PDXK: variants seen among roughly 807,000 people sequenced by gnomAD.
PDXK encodes pyridoxal kinase, also known as epididymis secretory sperm binding protein Li 1a.
PDXK carries 15 observed loss-of-function variants against 43.2 expected under a neutral mutation model. The ratio of observed to expected loss-of-function variants is 0.35; its 90% CI spans 0.23 to 0.53. PDXK has a LOEUF of 0.53. Ranked by LOEUF, PDXK falls within the 20% of genes least tolerant of loss-of-function variation. PDXK has a pLI of 0.92. For synonymous variants in PDXK, 172 were observed against 165.4 expected, an observed-to-expected ratio of 1.04 and a Z score of -0.31; for missense variants, 343 against 417.0, an observed-to-expected ratio of 0.82 and a Z score of 1.54.
rs1410144064 is a variant in PDXK at position 43,759,832 on chromosome 21, G to C, written c.*3769G>C. On this transcript the variant is annotated 3_prime_UTR_variant, in exon 11 of 11. Transcript: ENST00000291565. ...GGCTTCCGCTGAGACTCGCTGGAGA[G>C]GCGGCTCCCGTGTCCGTCCACCGAG... 1 of 152,238 alleles carries C rather than the reference G, an allele frequency of 6.6e-6. No individual in the cohort carries two copies. The highest frequency in any genetic ancestry group is 1.5e-5 in the Non-Finnish European group (1 of 68,054). The allele number at this position is 152,238 out of a possible 1,614,324, so 9.4% of individuals were successfully genotyped here.
Position 43,753,621 on chromosome 21 carries a change from A to G in PDXK, c.661A>G (p.Met221Val), listed in dbSNP as rs1433078321. 4 of 1,613,444 alleles carry G rather than the reference A, an allele frequency of 2.5e-6. No homozygotes were observed. The highest frequency in any genetic ancestry group is 1.3e-5 in the African/African-American group (1 of 74,902). The change falls in exon 9 of 11, where the codon ATG becomes GTG. Residue 221 changes from methionine to valine, a missense_variant. By Grantham distance (21) the Met-to-Val change is conservative (BLOSUM62 1). Transcript: ENST00000291565. ...AGSVVMERIR[M>V]DIRKVDAVFV... ...CTCCGTGGTGATGGAACGCATCCGG[A>G]TGGACATTCGCAAAGTGGACGCCGT... is the stretch of plus-strand genomic sequence containing the variant.
In PDXK at chr21:43,758,819, T is replaced by C. The variant is rs2083891836; in HGVS notation, c.*2756T>C. 1 of 152,252 alleles carries C rather than the reference T, an allele frequency of 6.6e-6. No individual in the cohort carries two copies. The allele number at this position is 152,252 out of a possible 1,614,324, so 9.4% of individuals were successfully genotyped here. On this transcript the variant is annotated 3_prime_UTR_variant, in exon 11 of 11. Transcript: ENST00000291565. ...TAATCCAGTTTTTCAAACTTCTCCC[T>C]GTAGACCGTAAGGATGAATTCCACA...
At chr21:43,750,922 GTGTGTGCGTA>G (rs1381704830) in intron 7 of PDXK, among the ~76,000 whole-genome samples, 4 of 150,442 alleles carry the variant, frequency 2.7e-5, no homozygotes, top group African/African-American at 7.4e-5. Context: ...ATGTGTGCAT[GTGTGTGCGTA>G]TGTGTGCACG....
chr21:43,719,867 G>A (rs1297835936), intron 1 of PDXK: 1 of 985,370 alleles, frequency 1.0e-6, no homozygotes, highest in Non-Finnish European at 1.2e-6. Flanking sequence ...TGTGCGTGGG[G>A]AAGTCAGGAA....
intron 7 of PDXK, among the ~76,000 whole-genome samples, chr21:43,750,915 TG>T (rs1432332203): frequency 1.5e-5 from 1 of 65,544 alleles, no homozygotes; most frequent in African/African-American, 5.1e-5. Flanking sequence ...TGCACGCATG[TG>T]TGCATGTGTG....
In PDXK at chr21:43,740,048, GGC is replaced by G. The variant is rs546682123; in HGVS notation, c.143-1618_143-1617del. On this transcript the variant is annotated intron_variant, in intron 2 of 10. Transcript: ENST00000291565. ...GACTGTTAACCCAGAGTCCATCAGG[GGC>G]TTGGTCTCTGGCAGACCCACCCCTC... Among the ~76,000 whole-genome samples the G allele has an allele frequency of 3.7e-3, 570 of 152,064 alleles. 9 individuals carry two copies. Among genetic ancestry groups the G allele is most frequent in the African/African-American group, 0.013 (523 of 41,554 alleles).
chr21:43,750,501 T>C lies in PDXK; in HGVS notation c.466T>C (p.Leu156=), dbSNP rs200302441. 1.9e-6 allele frequency: 3 copies of C among 1,612,300 alleles called. No homozygotes were observed. Among genetic ancestry groups the C allele is most frequent in the Non-Finnish European group, 2.5e-6 (3 of 1,179,156 alleles). The change falls in exon 7 of 11, where the codon TTA becomes CTA. Residue 156 remains leucine, a splice_region_variant and synonymous_variant. Transcript: ENST00000291565. ...CGCCTGTCCCCGCCTGTCTTCCAGG[T>C]TACTGAGTGGCCGGAAGATCCACAG... ...IITPNQFEAE[L]LSGRKIHSQE... is the part of the protein sequence containing the mutation.
At position 43,760,446 on chromosome 21, in the gene PDXK, G is replaced by A. The variant is rs1484390703; in HGVS notation, c.*4383G>A. ...CCCGCCTCGGCCTCCCAGAGTGCTG[G>A]GATTACAGGCATGAGCCAGTGCACC... is the stretch of plus-strand genomic sequence containing the variant. On this transcript the variant is annotated 3_prime_UTR_variant, in exon 11 of 11. Coordinates refer to ENST00000291565, the MANE Select transcript of PDXK (RefSeq NM_003681.5). 6.6e-6 allele frequency: 1 copy of A among 152,074 alleles called. No homozygotes were observed. The highest frequency in any genetic ancestry group is 2.4e-5 in the African/African-American group (1 of 41,404). 9.4% of individuals were successfully genotyped at this position (152,074 alleles called of 1,614,324 possible).
intron 3 of PDXK, among the ~76,000 whole-genome samples, chr21:43,742,259 A>T (rs562988594): frequency 3.9e-5 from 6 of 152,310 alleles, no homozygotes; most frequent in African/African-American, 1.4e-4. Flanking sequence ...AGCTCACTGC[A>T]GCCTCAACCT....
At chr21:43,751,813 T>C (rs1349276816) in intron 7 of PDXK, among the ~76,000 whole-genome samples, 1 of 152,206 alleles carries the variant, frequency 6.6e-6, no homozygotes, top group African/African-American at 2.4e-5. Flanking sequence ...CTTCTGAATA[T>C]TGCCACATGG....
rs1391933185 is a variant in PDXK at position 43,761,753 on chromosome 21, AC to A, written c.*5691del. ...AGCAGGCCTGGAAGACCCTTCCAGT[AC>A]ATCCCACAGCGTGTCGAGCAGCTGG... On this transcript the variant is annotated 3_prime_UTR_variant, in exon 11 of 11. Transcript: ENST00000291565. The A allele has an allele frequency of 6.6e-6, 1 of 152,168 alleles. No homozygotes were observed. The highest frequency in any genetic ancestry group is 1.5e-5 in the Non-Finnish European group (1 of 68,052). The allele number at this position is 152,168 out of a possible 1,614,324, so 9.4% of individuals were successfully genotyped here.
intron 6 of PDXK, among the ~76,000 whole-genome samples, chr21:43,750,088 G>A (rs192885917): frequency 1.3e-5 from 2 of 152,220 alleles, no homozygotes; most frequent in Non-Finnish European, 2.9e-5. Flanking sequence ...ACCTGGGCCT[G>A]TCCAAACTTG....
chr21:43,746,553 T>TG (rs1420408224), intron 5 of PDXK, among the ~76,000 whole-genome samples: 3 of 152,122 alleles, frequency 2.0e-5, no homozygotes, highest in African/African-American at 7.2e-5. Context: ...CCCAAGTAGC[T>TG]GGAATTACAG....
chr21:43,735,998 G>A lies in PDXK; in HGVS notation c.142+1875G>A, dbSNP rs1245880252. Among the ~76,000 whole-genome samples, 1 of 152,220 alleles carries A rather than the reference G, an allele frequency of 6.6e-6. No individual in the cohort carries two copies. Among genetic ancestry groups the A allele is most frequent in the Non-Finnish European group, 1.5e-5 (1 of 68,034 alleles). ...AGACGGGGGACTCGGCCTCCTCCGT[G>A]CAGCCCCTCAGCCCCTCTGGGCTCC... On this transcript the variant is annotated intron_variant, in intron 2 of 10. Coordinates refer to ENST00000291565, the MANE Select transcript of PDXK (RefSeq NM_003681.5). The surrounding 1 kb of genome is among the most constrained non-coding windows in gnomAD (Gnocchi z 5.3).
chr21:43,730,100 A>G (rs2083298742), intron 1 of PDXK, among the ~76,000 whole-genome samples: 1 of 150,242 alleles, frequency 6.7e-6, no homozygotes, highest in Non-Finnish European at 1.5e-5. Context: ...TCTTGCTCAT[A>G]TCTGATTGAT....
intron 7 of PDXK, among the ~76,000 whole-genome samples, chr21:43,750,818 C>G (rs988976570): frequency 6.9e-6 from 1 of 144,418 alleles, no homozygotes; most frequent in African/African-American, 2.6e-5. Context: ...GTGCGCGCAC[C>G]CATGTGTGCA....
intron 1 of PDXK, among the ~76,000 whole-genome samples, chr21:43,733,442 G>A (rs2083352990): frequency 1.3e-5 from 2 of 152,140 alleles, no homozygotes. Context: ...CCAAACTAGC[G>A]GAGGCCGGGC....
Position 43,750,979 on chromosome 21 carries a change from T to C in PDXK, c.510+434T>C, listed in dbSNP as rs112734070. Among the ~76,000 whole-genome samples the C allele has an allele frequency of 3.5e-3, 524 of 148,288 alleles. 3 individuals are homozygous for C. The highest frequency in any genetic ancestry group is 4.9e-3 in the Non-Finnish European group (328 of 66,868). ...GTGTGTGCATGTGTGTGTGTGTGTG[T>C]GCACATGTGTGTGAAGAGCTATTGT... On this transcript the variant is annotated intron_variant, in intron 7 of 10. Transcript: ENST00000291565.
intron 9 of PDXK, 43 bp downstream of exon 9, chr21:43,753,762 C>A: frequency 6.4e-7 from 1 of 1,573,566 alleles, no homozygotes. Flanking sequence ...ACTCCCACGG[C>A]ACCTCATGGG....
Sources: gnomAD v4.1 joint callset for allele counts (sites outside exome capture counted in the v4.1 genomes callset) on GRCh38, gnomAD v4.1.1 for gene constraint, Gnocchi (gnomAD v3.1) non-coding constraint, MANE v1.5 for transcripts, NCBI Gene and HGNC (gene_info 2026-07-23, HGNC 2026-07-21) for gene names.